Variants in OR1F1 observed in about 807,000 individuals in gnomAD.
OR1F1 encodes the protein olfactory receptor 1F1.
For missense variants in OR1F1, 493 were observed against 376.3 expected (o/e 1.31, Z -2.57); for synonymous variants, 184 against 156.7 (o/e 1.17, Z -1.30).
the OR1F1 span, chr16:3,189,774 C>T: frequency 7.9e-5 from 12 of 152,072 alleles, no homozygotes; most frequent in African/African-American, 2.7e-4. Context: ...CAGACCTCAG[C>T]GCAGGACGTG....
At chr16:3,202,024 C>A (rs1958140430), upstream of OR1F1, among the ~76,000 whole-genome samples, 1 of 152,244 alleles carries the variant, frequency 6.6e-6, no homozygotes, top group Admixed American at 6.5e-5. Flanking sequence ...ACACTGCCTG[C>A]TGCTTTAGTA....
chr16:3,192,132 G>A, the OR1F1 span, among the ~76,000 whole-genome samples: 4 of 152,102 alleles, frequency 2.6e-5, no homozygotes, highest in Non-Finnish European at 5.9e-5. Context: ...TCTCAACTCG[G>A]TTGAAGCTCC....
the OR1F1 span, among the ~76,000 whole-genome samples, chr16:3,193,647 G>A: frequency 3.6e-3 from 544 of 152,260 alleles, 4 homozygotes; most frequent in South Asian, 0.02. Context: ...GCCCAGGCTG[G>A]AGTGCAGTGG....
downstream of OR1F1, chr16:3,205,237 T>C: frequency 7.6e-7 from 1 of 1,318,232 alleles, no homozygotes; most frequent in Non-Finnish European, 1.1e-6. Context: ...TTTTCACCAA[T>C]TGAGTTTAAT....
chr16:3,202,536 G>A (rs1384116055), upstream of OR1F1, among the ~76,000 whole-genome samples: 2 of 152,124 alleles, frequency 1.3e-5, no homozygotes, highest in East Asian at 3.9e-4. Flanking sequence ...TTTATGGGTT[G>A]TTTGTTGTTC....
rs550163818 is a variant in OR1F1 at position 3,204,911 on chromosome 16, C to A, written c.665C>A (p.Thr222Asn). The change falls in exon 1 of 1, where the codon ACC (threonine) becomes AAC (asparagine). Residue 222 changes from threonine (T) to asparagine (N), a missense_variant. Transcript: ENST00000304646. ...ATCCTGGCTTCTTATATGCACATCA[C>A]CTGCACTGTCCTGAAGGTCCCATCC... The A allele has an allele frequency of 1.6e-4, 256 of 1,614,170 alleles. No homozygotes were observed. The highest frequency in any genetic ancestry group is 2.1e-4 in the Non-Finnish European group (249 of 1,180,026).
the OR1F1 span, among the ~76,000 whole-genome samples, chr16:3,190,199 C>T: frequency 6.6e-6 from 1 of 152,158 alleles, no homozygotes; most frequent in South Asian, 2.1e-4. Flanking sequence ...CTCTCCCTCC[C>T]CACATCCCGT....
At chr16:3,201,669 A>G (rs561222138), upstream of OR1F1, among the ~76,000 whole-genome samples, 1 of 152,350 alleles carries the variant, frequency 6.6e-6, no homozygotes, top group Admixed American at 6.5e-5. Context: ...GTTTGGACAC[A>G]TGACCCACGA....
chr16:3,203,635 G>A (rs997193443), upstream of OR1F1, among the ~76,000 whole-genome samples: 14 of 152,256 alleles, frequency 9.2e-5, no homozygotes, highest in South Asian at 4.1e-4. Context: ...GTGGTGGCAC[G>A]TGCCTATAAT....
chr16:3,204,990 TCTC>T, exon 1 of OR1F1: 1 of 1,614,122 alleles, frequency 6.2e-7, no homozygotes, highest in Non-Finnish European at 8.5e-7. Context: ...TGGCTGTGGT[TCTC>T]CTCTTCTACA....
At chr16:3,191,577 T>C in the OR1F1 span, among the ~76,000 whole-genome samples, 224 of 150,528 alleles carry the variant, frequency 1.5e-3, 1 homozygote, top group Middle Eastern at 6.8e-3. Flanking sequence ...TTGGGCGACT[T>C]GTTTTCTTCC....
the OR1F1 span, among the ~76,000 whole-genome samples, chr16:3,189,471 G>A: frequency 6.6e-6 from 1 of 152,220 alleles, no homozygotes; most frequent in Non-Finnish European, 1.5e-5. Context: ...CGCGGAGGAG[G>A]GGCCGGGGCT....
chr16:3,196,066 G>A, the OR1F1 span, among the ~76,000 whole-genome samples: 1 of 152,228 alleles, frequency 6.6e-6, no homozygotes, highest in South Asian at 2.1e-4. Flanking sequence ...AGGACCCAGC[G>A]AGCAGTTGGT....
At chr16:3,196,148 GT>G in the OR1F1 span, among the ~76,000 whole-genome samples, 1 of 152,210 alleles carries the variant, frequency 6.6e-6, no homozygotes, top group Non-Finnish European at 1.5e-5. Context: ...AAACCTTGCA[GT>G]TATGCCCAGC....
chr16:3,188,752 G>T, the OR1F1 span, among the ~76,000 whole-genome samples: 1 of 152,280 alleles, frequency 6.6e-6, no homozygotes, highest in South Asian at 2.1e-4. Flanking sequence ...GGATTCTCGG[G>T]AGTCAGGTGA....
chr16:3,200,562 C>A (rs1263207249), upstream of OR1F1, among the ~76,000 whole-genome samples: 1 of 152,204 alleles, frequency 6.6e-6, no homozygotes, highest in Non-Finnish European at 1.5e-5. Context: ...TGCGCCACTG[C>A]GCTCTAGCCT....
exon 1 of OR1F1, chr16:3,204,819 C>T (rs1445236062): frequency 3.1e-6 from 5 of 1,614,182 alleles, no homozygotes; most frequent in Admixed American, 3.3e-5. Flanking sequence ...CCTGCTCAGA[C>T]ACACACCTCA....
chr16:3,196,957 A>G, the OR1F1 span, among the ~76,000 whole-genome samples: 4 of 151,058 alleles, frequency 2.6e-5, no homozygotes, highest in Admixed American at 6.6e-5. Context: ...GCTTCCTGCA[A>G]CCTCCGCCTG....
chr16:3,206,109 G>A (rs1376625833), downstream of OR1F1, among the ~76,000 whole-genome samples: 1 of 152,160 alleles, frequency 6.6e-6, no homozygotes, highest in East Asian at 1.9e-4. Flanking sequence ...ACTCCTCGGG[G>A]GAGGTCTATA....
Sources: allele counts gnomAD v4.1 joint callset (sites outside exome capture counted in the v4.1 genomes callset), GRCh38; gene constraint gnomAD v4.1.1; transcripts MANE v1.5; gene names NCBI Gene and HGNC (gene_info 2026-07-23, HGNC 2026-07-21).